PPIL6: variants seen among roughly 807,000 people sequenced by gnomAD.
PPIL6 encodes the protein probable inactive peptidyl-prolyl cis-trans isomerase-like 6.
PPIL6 carries 39 observed loss-of-function variants against 36.8 expected under a neutral mutation model. That is an observed-to-expected ratio of 1.06 (90% CI 0.82 to 1.38). PPIL6 has a LOEUF of 1.38. Ranked by LOEUF, PPIL6 falls within the 40% of genes most tolerant of loss-of-function variation. The pLI is 0.00. For missense variants in PPIL6, 368 were observed against 379.1 expected (o/e 0.97, Z 0.24); for synonymous variants, 123 against 134.1 (o/e 0.92, Z 0.57).
chr6:109,414,957 A>C (rs1443248324), intron 6 of PPIL6, among the ~76,000 whole-genome samples: 2 of 152,242 alleles, frequency 1.3e-5, no homozygotes, highest in Non-Finnish European at 2.9e-5. Flanking sequence ...AGAGAAAATA[A>C]AATGTTATAA....
intron 3 of PPIL6, among the ~76,000 whole-genome samples, chr6:109,429,630 G>A (rs1774018646): frequency 1.3e-5 from 2 of 152,072 alleles, no homozygotes. Context: ...AGGTCTCCAG[G>A]GAGTGATGAA....
In PPIL6 at chr6:109,426,994, G is replaced by A. The variant is rs935248886; in HGVS notation, c.484C>T (p.Leu162=). 2.5e-6 allele frequency: 4 copies of A among 1,604,704 alleles called. No individual in the cohort carries two copies. In the African/African-American group the frequency reaches 4.0e-5, roughly 16 times the overall value. The part of the protein sequence containing the change: ...SSPIGRLIFE[L]YCDVCPKTCK... ...GTTTTGGGACACACATCACAGTATA[G>A]CTACAAAATAAAGACAAAAGGTTTC... Residue 162 remains leucine (L), a splice_region_variant and synonymous_variant, in exon 5 of 8, where the codon CTA becomes TTA. Transcript: ENST00000521072.
intron 3 of PPIL6, among the ~76,000 whole-genome samples, chr6:109,428,031 GAGA>G (rs1376365915): frequency 6.6e-6 from 1 of 152,202 alleles, no homozygotes; most frequent in Non-Finnish European, 1.5e-5. Context: ...AGATAGGGAA[GAGA>G]AGGATGCTGG....
At chr6:109,409,389 C>T (rs760100452) in intron 6 of PPIL6, among the ~76,000 whole-genome samples, 49 of 152,124 alleles carry the variant, frequency 3.2e-4, no homozygotes, top group Non-Finnish European at 1.6e-4. Context: ...TGGTGAAACC[C>T]CATCTCTATT....
chr6:109,420,145 C>A (rs753474185), intron 5 of PPIL6, among the ~76,000 whole-genome samples: 123 of 151,778 alleles, frequency 8.1e-4, no homozygotes, highest in Non-Finnish European at 2.9e-5. Flanking sequence ...ACCAGCCTGG[C>A]CAACATGGTG....
At chr6:109,394,671 AT>A (rs1772224958) in intron 7 of PPIL6, among the ~76,000 whole-genome samples, 1 of 152,188 alleles carries the variant, frequency 6.6e-6, no homozygotes, top group Non-Finnish European at 1.5e-5. Flanking sequence ...TGCCATCCCA[AT>A]AAAAAACCAT....
intron 7 of PPIL6, among the ~76,000 whole-genome samples, chr6:109,399,783 C>T (rs906299009): frequency 1.3e-5 from 2 of 152,040 alleles, no homozygotes; most frequent in African/African-American, 4.8e-5. Flanking sequence ...CTCAAGCAAT[C>T]TCCCACCTCA....
At chr6:109,398,480 A>G (rs1283946064) in intron 7 of PPIL6, among the ~76,000 whole-genome samples, 1 of 152,222 alleles carries the variant, frequency 6.6e-6, no homozygotes, top group Non-Finnish European at 1.5e-5. Context: ...TCTAACAGTT[A>G]TTCAGAAAAA....
intron 7 of PPIL6, among the ~76,000 whole-genome samples, chr6:109,395,794 C>T (rs1339291292): frequency 4.7e-5 from 7 of 150,002 alleles, no homozygotes; most frequent in Admixed American, 2.0e-4. Context: ...TTAGTAGAGA[C>T]GGGGTTTTAC....
At chr6:109,438,568 A>G (rs1774587477) in intron 1 of PPIL6, among the ~76,000 whole-genome samples, 1 of 151,932 alleles carries the variant, frequency 6.6e-6, no homozygotes, top group Non-Finnish European at 1.5e-5. Context: ...GAGAGGAATA[A>G]TTTTTAGATT....
intron 1 of PPIL6, among the ~76,000 whole-genome samples, chr6:109,439,184 GAA>G (rs920686308): frequency 6.6e-6 from 1 of 151,822 alleles, no homozygotes; most frequent in Non-Finnish European, 1.5e-5. Flanking sequence ...AAAAAAAAGA[GAA>G]AAAAAATCTC....
intron 7 of PPIL6, among the ~76,000 whole-genome samples, chr6:109,398,662 C>A (rs73762719): frequency 0.051 from 7,813 of 152,176 alleles, 479 homozygotes; most frequent in African/African-American, 0.15. Context: ...ATAACTATTA[C>A]CTGTGATGTT....
chr6:109,399,962 A>G, intron 7 of PPIL6, 73 bp downstream of exon 7: 2 of 1,310,054 alleles, frequency 1.5e-6, no homozygotes, highest in Non-Finnish European at 2.1e-6. Flanking sequence ...TATATACAAT[A>G]CTTATCCAAA....
chr6:109,428,384 T>C (rs1414846461), intron 3 of PPIL6, among the ~76,000 whole-genome samples: 1 of 151,732 alleles, frequency 6.6e-6, no homozygotes, highest in African/African-American at 2.4e-5. Context: ...GACCCTGTCT[T>C]TACAAAAAAA....
At chr6:109,403,020 C>T (rs552377356) in intron 6 of PPIL6, 240 of 1,518,564 alleles carry the variant, frequency 1.6e-4, no homozygotes, top group Middle Eastern at 1.2e-3. Context: ...ACTCTTTAAT[C>T]GTCTGCTCAC....
intron 6 of PPIL6, among the ~76,000 whole-genome samples, chr6:109,412,445 GCA>G (rs928918685): frequency 6.6e-6 from 1 of 152,148 alleles, no homozygotes; most frequent in African/African-American, 2.4e-5. Flanking sequence ...GCTATCTTAA[GCA>G]AAAAGAACAA....
At chr6:109,402,525 G>C (rs1310629333) in intron 6 of PPIL6, among the ~76,000 whole-genome samples, 1 of 150,482 alleles carries the variant, frequency 6.6e-6, no homozygotes, top group Non-Finnish European at 1.5e-5. Flanking sequence ...GACAGAGAAA[G>C]ACTCGGTCTC....
intron 6 of PPIL6, among the ~76,000 whole-genome samples, chr6:109,412,565 T>C (rs531072355): frequency 2.0e-5 from 3 of 152,086 alleles, no homozygotes; most frequent in South Asian, 4.1e-4. Flanking sequence ...CAGAACACAA[T>C]AGAGAACCCA....
At position 109,434,360 on chromosome 6, in the gene PPIL6, A is replaced by G. The variant is rs577417992; in HGVS notation, c.231+1744T>C. Among the ~76,000 whole-genome samples, 93 of 152,318 alleles carry G rather than the reference A, an allele frequency of 6.1e-4. No homozygotes were observed. The South Asian group carries it at 0.018, about 30-fold the overall frequency. On this transcript the variant is annotated intron_variant, in intron 2 of 7. Transcript: ENST00000521072. Reference sequence around the variant, plus strand: ...TGCTTGAAGCCAGAAGTTTGAGACCAGCTTGGCCAAAATAGCGAGACCCTG... The same window carrying G: ...TGCTTGAAGCCAGAAGTTTGAGACCGGCTTGGCCAAAATAGCGAGACCCTG...
Sources: gnomAD v4.1 joint callset for allele counts (sites outside exome capture counted in the v4.1 genomes callset) on GRCh38, gnomAD v4.1.1 for gene constraint, MANE v1.5 for transcripts, NCBI Gene and HGNC (gene_info 2026-07-23, HGNC 2026-07-21) for gene names.